Variants in MYH8 observed in about 807,000 individuals in gnomAD.
MYH8 encodes myosin-8.
Under a neutral mutation model 233.2 loss-of-function variants are expected in MYH8, and 168 were observed. The observed-to-expected ratio is 0.72, with a 90% CI of 0.64 to 0.82. MYH8 has a LOEUF of 0.82. MYH8 is among the 40% of genes least tolerant of loss of function. The pLI is 0.00. For synonymous variants in MYH8, 785 were observed against 850.6 expected, an observed-to-expected ratio of 0.92 and a Z score of 1.34; for missense variants, 1,995 against 2,327.8, an observed-to-expected ratio of 0.86 and a Z score of 2.94.
Position 10,393,198 on chromosome 17 carries a change from T to A in MYH8, c.5179A>T (p.Ile1727Phe). Residue 1727 changes from isoleucine (I) to phenylalanine (F), a missense_variant, in exon 36 of 40, where the codon ATT becomes TTT. Ile to Phe is a conservative substitution (Grantham distance 21). Coordinates refer to ENST00000403437, the MANE Select transcript of MYH8 (RefSeq NM_002472.3). ...TTTTCTAATTTCTTCTTGGTGTTAATGAGACTGGTATTCTGTTAAAAGTAG... is the reference window on the plus strand; with the variant it reads ...TTTTCTAATTTCTTCTTGGTGTTAAAGAGACTGGTATTCTGTTAAAAGTAG... ...QLLHTQNTSLINTKKKLENDV... is the reference protein window; with the variant it reads ...QLLHTQNTSLFNTKKKLENDV... 6.2e-7 allele frequency: 1 copy of A among 1,614,228 alleles called. No individual in the cohort carries two copies. The highest frequency in any genetic ancestry group is 8.5e-7 in the Non-Finnish European group (1 of 1,180,028).
intron 14 of MYH8, 145 bp downstream of exon 14, chr17:10,412,225 C>T: frequency 6.8e-7 from 1 of 1,479,092 alleles, no homozygotes; most frequent in Non-Finnish European, 9.4e-7. Flanking sequence ...CATTATGTTA[C>T]CTCCTATTTT....
chr17:10,392,086 G>T, intron 38 of MYH8, 109 bp from the exon 39 acceptor site: 1 of 852,738 alleles, frequency 1.2e-6, no homozygotes, highest in Non-Finnish European at 2.0e-6. Context: ...GGGTAAACTT[G>T]ATCAACTCTG....
intron 11 of MYH8, 34 bp downstream of exon 11, chr17:10,414,158 T>C (rs2072268949): frequency 1.2e-6 from 2 of 1,608,374 alleles, no homozygotes; most frequent in Non-Finnish European, 1.7e-6. Context: ...TTTCCATACA[T>C]AATGGATTTT....
intron 15 of MYH8, 118 bp downstream of exon 15, chr17:10,410,659 A>C (rs539834307): frequency 5.5e-5 from 83 of 1,507,286 alleles, no homozygotes; most frequent in Middle Eastern, 1.7e-4. Flanking sequence ...CTAAATAGTA[A>C]TTTTCCAGTT....
At position 10,409,294 on chromosome 17, in the gene MYH8, C is replaced by T. The variant is rs763275859; in HGVS notation, c.1882G>A (p.Ala628Thr). The T allele has an allele frequency of 3.0e-5, 49 of 1,614,134 alleles. 1 individual carries two copies. In the Admixed American group the frequency reaches 3.7e-4, roughly 12 times the overall value. ...CAGAAAGTACCTGCTTCAGCACTAG[C>T]ATACGTGGAAAAGAGACTGGCTAGA... Reference protein sequence around the residue: ...KTLASLFSTYASAEADSSAKK... With the variant: ...KTLASLFSTYTSAEADSSAKK... Residue 628 changes from alanine (A) to threonine (T), a missense_variant, in exon 16 of 40, where the codon GCT becomes ACT. By Grantham distance (58) the Ala-to-Thr change is moderately conservative (BLOSUM62 0). Transcript: ENST00000403437.
chr17:10,392,296 C>CT (rs2072033427), intron 38 of MYH8, among the ~76,000 whole-genome samples: 1 of 146,532 alleles, frequency 6.8e-6, no homozygotes, highest in African/African-American at 2.7e-5. Flanking sequence ...CAAACTAGGA[C>CT]TAATACCCAG....
At chr17:10,397,571 C>G (rs1157545923) in intron 30 of MYH8, among the ~76,000 whole-genome samples, 1 of 152,180 alleles carries the variant, frequency 6.6e-6, no homozygotes, top group East Asian at 1.9e-4. Flanking sequence ...TTGTATGCGC[C>G]TTACTACCTA....
At chr17:10,392,686 G>T (rs758529069) in intron 37 of MYH8, 40 bp from the exon 38 acceptor site, 3 of 1,611,494 alleles carry the variant, frequency 1.9e-6, no homozygotes, top group Middle Eastern at 1.6e-4. Flanking sequence ...AGTCTTGGGG[G>T]ATATTAATTA....
chr17:10,398,560 C>T lies in MYH8; in HGVS notation c.4062G>A (p.Gln1354=). The T allele has an allele frequency of 6.2e-7, 1 of 1,614,216 alleles. No individual in the cohort carries two copies. The highest frequency in any genetic ancestry group is 8.5e-7 in the Non-Finnish European group (1 of 1,180,042). ...CCCTCTGCAGCTCAGCTTTGCCTTC[C>T]TGCTCTTCCTCATACTGTTCCCGCA... ...DLLREQYEEE[Q]EGKAELQRAL... is the part of the protein sequence containing the mutation. The change falls in exon 30 of 40, where the codon CAG becomes CAA. Residue 1354 remains glutamine, a synonymous_variant. Transcript: ENST00000403437.
chr17:10,418,846 A>G (rs1411404897), intron 4 of MYH8, 41 bp downstream of exon 4: 1 of 1,613,956 alleles, frequency 6.2e-7, no homozygotes, highest in South Asian at 1.1e-5. Context: ...GTTTTTACTC[A>G]GAGAGAGACA....
chr17:10,414,747 T>C lies in MYH8; in HGVS notation c.806-263A>G, dbSNP rs1047506000. Among the ~76,000 whole-genome samples, 4 of 152,276 alleles carry C rather than the reference T, an allele frequency of 2.6e-5. No homozygotes were observed. In the South Asian group the frequency reaches 8.3e-4, roughly 32 times the overall value. On this transcript the variant is annotated intron_variant, in intron 9 of 39. Coordinates refer to ENST00000403437, the MANE Select transcript of MYH8 (RefSeq NM_002472.3). ...TTGATCCCTAATATCCCCTCCTTCT[T>C]TGGATCACCTAGGATTCACTCTGGG...
In MYH8 at chr17:10,409,088, G is replaced by T; in HGVS notation, c.1965+9C>A. On this transcript the variant is annotated intron_variant, in intron 17 of 39. Coordinates refer to ENST00000403437, the MANE Select transcript of MYH8 (RefSeq NM_002472.3). ...TGAGTAGATATTTCAAATTAAATTT[G>T]TACTTTACCCTGAAAAGGGCAGACA... 6.2e-7 allele frequency: 1 copy of T among 1,611,580 alleles called. No homozygotes were observed. Among genetic ancestry groups the T allele is most frequent in the Non-Finnish European group, 8.5e-7 (1 of 1,177,796 alleles).
intron 28 of MYH8, 33 bp from the exon 29 acceptor site, chr17:10,398,919 T>C: frequency 6.5e-7 from 1 of 1,534,900 alleles, no homozygotes; most frequent in Non-Finnish European, 9.0e-7. Context: ...AATTTTTTAC[T>C]GGCATAAAAA....
intron 34 of MYH8, 65 bp from the exon 35 acceptor site, chr17:10,394,517 A>C: frequency 6.4e-7 from 1 of 1,550,688 alleles, no homozygotes; most frequent in Non-Finnish European, 8.8e-7. Flanking sequence ...CCAGGAGATG[A>C]ACTGGGAGAT....
In MYH8 at chr17:10,417,900, T is replaced by C. The variant is rs2072302438; in HGVS notation, c.511+745A>G. Among the ~76,000 whole-genome samples, 1 of 152,174 alleles carries C rather than the reference T, an allele frequency of 6.6e-6. No homozygotes were observed. The highest frequency in any genetic ancestry group is 2.4e-5 in the African/African-American group (1 of 41,432). On this transcript the variant is annotated intron_variant, in intron 5 of 39. Coordinates refer to ENST00000403437, the MANE Select transcript of MYH8 (RefSeq NM_002472.3). The surrounding 1 kb of genome is among the most constrained non-coding windows in gnomAD (Gnocchi z 4.1). ...AACCAAAAAGAAAGAAAAAACACCT[T>C]AGTTTCCAAAATTCCATGGAACAAC...
chr17:10,408,230 C>T (rs1041256208), intron 17 of MYH8, among the ~76,000 whole-genome samples: 5 of 151,986 alleles, frequency 3.3e-5, no homozygotes, highest in African/African-American at 9.7e-5. Context: ...TGAGCCACTG[C>T]GCCCGGCCAA....
chr17:10,411,518 T>C (rs1389349741), intron 14 of MYH8, among the ~76,000 whole-genome samples: 4 of 152,208 alleles, frequency 2.6e-5, no homozygotes, highest in Non-Finnish European at 4.4e-5. Flanking sequence ...GGCAAGAATA[T>C]ACTTTAAAAG....
At chr17:10,414,067 G>C in intron 11 of MYH8, 27 bp from the exon 12 acceptor site, 5 of 1,614,050 alleles carry the variant, frequency 3.1e-6, no homozygotes, top group Non-Finnish European at 4.2e-6. Context: ...GAGGACAAAA[G>C]TTAGGGCTGA....
intron 17 of MYH8, 42 bp downstream of exon 17, chr17:10,409,055 A>G: frequency 6.4e-7 from 1 of 1,567,380 alleles, no homozygotes; most frequent in South Asian, 1.1e-5. Context: ...ATGATAATTC[A>G]TAGAAACTGA....
Sources: allele counts gnomAD v4.1 joint callset (sites outside exome capture counted in the v4.1 genomes callset), GRCh38; gene constraint gnomAD v4.1.1; non-coding constraint Gnocchi (gnomAD v3.1); transcripts MANE v1.5; gene names NCBI Gene and HGNC (gene_info 2026-07-23, HGNC 2026-07-21).